The following SPICE1 variants were observed in gnomAD, a reference collection of about 807,000 sequenced individuals.
SPICE1 encodes the protein spindle and centriole associated protein 1, also known as spindle and centriole-associated protein 1.
Under a neutral mutation model 102.7 loss-of-function variants are expected in SPICE1, and 75 were observed. The observed-to-expected ratio is 0.73, with a 90% CI of 0.61 to 0.88. The LOEUF is 0.88. Among genes scored for constraint, SPICE1 ranks in the 40% least tolerant of loss-of-function variants. The pLI is 0.00. For synonymous variants in SPICE1, 308 were observed against 350.3 expected (o/e 0.88, Z 1.35); for missense variants, 979 against 1,020.1 (o/e 0.96, Z 0.55).
At position 113,499,411 on chromosome 3, in the gene SPICE1, T is replaced by G. The variant is rs116180307; in HGVS notation, c.291+28A>C. On this transcript the variant is annotated intron_variant, in intron 4 of 17. Coordinates refer to ENST00000295872, the MANE Select transcript of SPICE1 (RefSeq NM_144718.4). Reference sequence around the variant, plus strand: ...AACCCTATTTATCTCCTTTTTTTCTTTCTAACTCTAATGCAGTTTAGCATT... The same window carrying G: ...AACCCTATTTATCTCCTTTTTTTCTGTCTAACTCTAATGCAGTTTAGCATT... 1.1e-3 allele frequency: 1,787 copies of G among 1,596,192 alleles called. 18 individuals are homozygous for G. In the African/African-American group the frequency reaches 0.019, roughly 17 times the overall value.
chr3:113,489,545 T>C (rs1328824160), intron 6 of SPICE1, among the ~76,000 whole-genome samples: 2 of 152,170 alleles, frequency 1.3e-5, no homozygotes, highest in Non-Finnish European at 2.9e-5. Context: ...CACTCATTTC[T>C]TTCCTTTAAA....
chr3:113,474,778 C>A (rs1282615569), intron 7 of SPICE1, among the ~76,000 whole-genome samples: 2 of 152,056 alleles, frequency 1.3e-5, no homozygotes, highest in African/African-American at 4.8e-5. Flanking sequence ...CTCTGGGACA[C>A]ACTCAAAGCA....
intron 17 of SPICE1, 125 bp downstream of exon 17, chr3:113,446,464 T>C: frequency 1.3e-6 from 1 of 755,232 alleles, no homozygotes; most frequent in Middle Eastern, 2.5e-4. Context: ...AGTATTTCTT[T>C]TCTTTTAAGA....
chr3:113,464,424 T>A (rs1297848179), intron 11 of SPICE1, among the ~76,000 whole-genome samples: 1 of 151,976 alleles, frequency 6.6e-6, no homozygotes, highest in Non-Finnish European at 1.5e-5. Flanking sequence ...GCCCAGCTAA[T>A]ATTTTTATTT....
Position 113,448,046 on chromosome 3 carries a change from A to G in SPICE1, c.2418T>C (p.Asn806=), listed in dbSNP as rs780991817. 1.2e-6 allele frequency: 2 copies of G among 1,601,568 alleles called. No individual in the cohort carries two copies. Among genetic ancestry groups the G allele is most frequent in the Non-Finnish European group, 1.7e-6 (2 of 1,175,540 alleles). Residue 806 remains asparagine (N), a synonymous_variant, in exon 16 of 18, where the codon AAT becomes AAC. Transcript: ENST00000295872. ...CSTVSPVSGI[N]TRRSSGATGN... The stretch of plus-strand genomic sequence containing the variant: ...TTCACACTGCAACTTACCTTCTTGT[A>G]TTTATCCCGCTGACGGGAGAGACAG...
At chr3:113,447,153 A>G (rs1935536810) in intron 16 of SPICE1, among the ~76,000 whole-genome samples, 1 of 152,150 alleles carries the variant, frequency 6.6e-6, no homozygotes, top group Non-Finnish European at 1.5e-5. Context: ...TGTAAGTCCA[A>G]TTCAACCTCT....
chr3:113,491,763 TGA>T (rs1436622588), intron 6 of SPICE1, among the ~76,000 whole-genome samples: 3 of 152,186 alleles, frequency 2.0e-5, no homozygotes, highest in Non-Finnish European at 4.4e-5. Flanking sequence ...ACCTCTGCTT[TGA>T]GAGGCTCACA....
At chr3:113,458,166 TCTCCCGTCTCCCTCTCCCGTCTC>T (rs1935824363) in intron 12 of SPICE1, among the ~76,000 whole-genome samples, 2 of 86 alleles carry the variant, frequency 0.023, no homozygotes, top group African/African-American at 0.056. Context: ...TCTGGCTCCC[TCTCCCGTCTCCCTCTCCCGTCTC>T]CCTCTCCCGT....
chr3:113,451,102 T>A (rs551531008), intron 14 of SPICE1, among the ~76,000 whole-genome samples: 1 of 152,280 alleles, frequency 6.6e-6, no homozygotes, highest in Non-Finnish European at 1.5e-5. Flanking sequence ...GGATCTGCTA[T>A]CTTGGAAACA....
chr3:113,468,620 A>G lies in SPICE1; in HGVS notation c.889+142T>C, dbSNP rs1936120193. 4 of 1,096,900 alleles carry G rather than the reference A, an allele frequency of 3.6e-6. No individual in the cohort carries two copies. In the East Asian group the frequency reaches 1.0e-4, roughly 28 times the overall value. The allele number at this position is 1,096,900 out of a possible 1,614,324, so 67.9% of individuals were successfully genotyped here. Reference sequence around the variant, plus strand: ...GTTCCAGAGTTACATGTGGTAGGAGACATTTCTTAGCTACCATTCAATAAA... The same window carrying G: ...GTTCCAGAGTTACATGTGGTAGGAGGCATTTCTTAGCTACCATTCAATAAA... On this transcript the variant is annotated intron_variant, in intron 9 of 17. Coordinates refer to ENST00000295872, the MANE Select transcript of SPICE1 (RefSeq NM_144718.4).
rs150753465 is a variant in SPICE1 at position 113,503,281 on chromosome 3, T to C, written c.100-54A>G. 2.4e-4 allele frequency: 354 copies of C among 1,462,902 alleles called. 6 individuals are homozygous for C. The East Asian group carries it at 6.4e-3, about 26-fold the overall frequency. The allele number at this position is 1,462,902 out of a possible 1,614,324, so 90.6% of individuals were successfully genotyped here. On this transcript the variant is annotated intron_variant, in intron 2 of 17. Coordinates refer to ENST00000295872, the MANE Select transcript of SPICE1 (RefSeq NM_144718.4). ...AAAAAAAAAAAGTTTTCTTATAAAA[T>C]ATACACATTTATTGGATTTTAATGG...
At chr3:113,483,850 T>A (rs1936579083) in intron 7 of SPICE1, among the ~76,000 whole-genome samples, 1 of 152,192 alleles carries the variant, frequency 6.6e-6, no homozygotes, top group Non-Finnish European at 1.5e-5. Context: ...TTTTTTGTTG[T>A]GTCTCTGCCA....
At chr3:113,492,917 T>C (rs1175938115) in intron 6 of SPICE1, among the ~76,000 whole-genome samples, 1 of 152,214 alleles carries the variant, frequency 6.6e-6, no homozygotes, top group African/African-American at 2.4e-5. Context: ...CTATGTGATC[T>C]TGGCCAAGTC....
chr3:113,487,406 A>T (rs187075107), intron 7 of SPICE1, among the ~76,000 whole-genome samples: 1 of 152,300 alleles, frequency 6.6e-6, no homozygotes, highest in Admixed American at 6.5e-5. Flanking sequence ...TAATATAGAT[A>T]TGTTCATATA....
At chr3:113,447,190 T>C (rs1935537935) in intron 16 of SPICE1, among the ~76,000 whole-genome samples, 1 of 152,228 alleles carries the variant, frequency 6.6e-6, no homozygotes, top group Admixed American at 6.5e-5. Flanking sequence ...AGTTATGTTT[T>C]TATCAGCAAC....
At chr3:113,480,931 A>AGG (rs61284128) in intron 7 of SPICE1, among the ~76,000 whole-genome samples, 1 of 143,612 alleles carries the variant, frequency 7.0e-6, no homozygotes, top group South Asian at 2.2e-4. Flanking sequence ...AAAGAAAGAA[A>AGG]AAAGACCTCA....
chr3:113,489,952 A>G (rs7650930), intron 6 of SPICE1, among the ~76,000 whole-genome samples: 4 of 151,606 alleles, frequency 2.6e-5, no homozygotes, highest in African/African-American at 9.7e-5. Flanking sequence ...TTCCTTCCCA[A>G]TCTCCTTTAC....
At chr3:113,474,183 A>G (rs1217973922) in intron 7 of SPICE1, among the ~76,000 whole-genome samples, 1 of 151,772 alleles carries the variant, frequency 6.6e-6, no homozygotes, top group Admixed American at 6.6e-5. Flanking sequence ...ATCAAAAGAG[A>G]CAAAGAAGGC....
chr3:113,443,302 A>G lies in SPICE1; in HGVS notation c.*2005T>C, dbSNP rs1393661841. The G allele has an allele frequency of 6.6e-6, 1 of 152,220 alleles. No homozygotes were observed. Among genetic ancestry groups the G allele is most frequent in the Non-Finnish European group, 1.5e-5 (1 of 68,038 alleles). The allele number at this position is 152,220 out of a possible 1,614,324, so 9.4% of individuals were successfully genotyped here. On this transcript the variant is annotated 3_prime_UTR_variant, in exon 18 of 18. Coordinates refer to ENST00000295872, the MANE Select transcript of SPICE1 (RefSeq NM_144718.4). The stretch of plus-strand genomic sequence containing the variant: ...AAGTGGCAGAAATGGCATTTGAGGC[A>G]AGATTTCTGGTTTCAGTACTTGCAT...
Sources: allele counts gnomAD v4.1 joint callset (sites outside exome capture counted in the v4.1 genomes callset), GRCh38; gene constraint gnomAD v4.1.1; transcripts MANE v1.5; gene names NCBI Gene and HGNC (gene_info 2026-07-23, HGNC 2026-07-21).